The following ADGRV1 variants were observed in gnomAD, a reference collection of about 807,000 sequenced individuals.
ADGRV1 encodes G-protein coupled receptor 98.
Under a neutral mutation model 596.2 loss-of-function variants are expected in ADGRV1, and 359 were observed. The observed-to-expected ratio is 0.60, with a 90% CI of 0.55 to 0.66. The LOEUF (loss-of-function observed/expected upper bound fraction) is 0.66, where lower values mean the gene tolerates loss of function less well. ADGRV1 is among the 30% of genes least tolerant of loss of function. The pLI is 0.00. For synonymous variants in ADGRV1, 2,681 were observed against 2,679.2 expected (o/e 1.00, Z -0.02); for missense variants, 7,274 against 7,575.6 (o/e 0.96, Z 1.48).
intron 1 of ADGRV1, among the ~76,000 whole-genome samples, chr5:90,597,574 C>A (rs1561356371): frequency 6.6e-6 from 1 of 152,102 alleles, no homozygotes; most frequent in Non-Finnish European, 1.5e-5. Flanking sequence ...CCAGGCAAAG[C>A]TGAGATTGCT....
chr5:90,636,875 G>A (rs1766281328), intron 10 of ADGRV1, among the ~76,000 whole-genome samples: 2 of 151,850 alleles, frequency 1.3e-5, no homozygotes, highest in South Asian at 2.1e-4. Flanking sequence ...AAAAAGAATA[G>A]TGTAATCTAG....
intron 34 of ADGRV1, among the ~76,000 whole-genome samples, chr5:90,700,063 A>G (rs1747706821): frequency 6.6e-6 from 1 of 151,928 alleles, no homozygotes; most frequent in Admixed American, 6.6e-5. Flanking sequence ...ATTATAAATT[A>G]TTTTTTTCAA....
chr5:90,657,895 C>CT lies in ADGRV1; in HGVS notation c.4379-9dup. 1 of 1,592,814 alleles carries CT rather than the reference C, an allele frequency of 6.3e-7. No homozygotes were observed. Among genetic ancestry groups the CT allele is most frequent in the Non-Finnish European group, 8.6e-7 (1 of 1,167,056 alleles). ...GGTATTGTAGCATTTAAACTTGTCTCTAATTTCAGGTCCTGGGATACTGAG... is the reference window on the plus strand; with the variant it reads ...GGTATTGTAGCATTTAAACTTGTCTCTTAATTTCAGGTCCTGGGATACTGAG... On this transcript the variant is annotated splice_polypyrimidine_tract_variant and intron_variant, in intron 20 of 89. Coordinates refer to ENST00000405460, the MANE Select transcript of ADGRV1 (RefSeq NM_032119.4).
chr5:91,064,331 T>C (rs1392565953), intron 85 of ADGRV1, among the ~76,000 whole-genome samples: 3 of 152,190 alleles, frequency 2.0e-5, no homozygotes, highest in South Asian at 2.1e-4. Context: ...AGTGAGCCTG[T>C]TTATAGTCCT....
At chr5:90,914,993 A>G (rs1346705827) in intron 83 of ADGRV1, among the ~76,000 whole-genome samples, 1 of 152,200 alleles carries the variant, frequency 6.6e-6, no homozygotes, top group Admixed American at 6.5e-5. Flanking sequence ...TTCTTCTAAG[A>G]AATTTAACAG....
intron 82 of ADGRV1, among the ~76,000 whole-genome samples, chr5:90,858,347 T>C (rs1406174148): frequency 2.6e-5 from 4 of 152,202 alleles, no homozygotes; most frequent in Admixed American, 2.0e-4. Flanking sequence ...CATTGCTATT[T>C]TGAGGATGTC....
chr5:90,817,513 C>T (rs1763019976), intron 75 of ADGRV1, among the ~76,000 whole-genome samples: 1 of 151,468 alleles, frequency 6.6e-6, no homozygotes, highest in Non-Finnish European at 1.5e-5. Flanking sequence ...AATGGTAATG[C>T]CTAGGTTTTC....
At chr5:90,861,047 G>C (rs1029001201) in intron 82 of ADGRV1, among the ~76,000 whole-genome samples, 9 of 151,970 alleles carry the variant, frequency 5.9e-5, no homozygotes, top group African/African-American at 2.2e-4. Context: ...TGTAGAGATA[G>C]ATAAGAGAAT....
chr5:90,928,502 C>T (rs199516650), intron 83 of ADGRV1, among the ~76,000 whole-genome samples: 104,651 of 146,562 alleles, frequency 0.71, 38,052 homozygotes, highest in East Asian at 1. Context: ...TAAGCAGTTC[C>T]CTGTATTGCT....
At chr5:91,009,333 T>C (rs986309253) in intron 85 of ADGRV1, among the ~76,000 whole-genome samples, 2 of 152,150 alleles carry the variant, frequency 1.3e-5, no homozygotes, top group African/African-American at 4.8e-5. Context: ...TCTTATAGAC[T>C]CATTATTGCA....
Position 90,729,797 on chromosome 5 carries a change from A to G in ADGRV1, c.10549+33A>G, listed in dbSNP as rs201897312. On this transcript the variant is annotated intron_variant, in intron 50 of 89. Coordinates refer to ENST00000405460, the MANE Select transcript of ADGRV1 (RefSeq NM_032119.4). ...CTTTTCAACTGCTCACCAATTCTAA[A>G]GGTAGTATGGAAAGCCAGAATGATT... is the stretch of plus-strand genomic sequence containing the variant. The G allele has an allele frequency of 4.4e-6, 7 of 1,603,988 alleles. No individual in the cohort carries two copies. The Admixed American group carries it at 1.0e-4, about 23-fold the overall frequency.
chr5:90,839,519 C>G (rs1024632428), intron 77 of ADGRV1, among the ~76,000 whole-genome samples: 3 of 152,042 alleles, frequency 2.0e-5, no homozygotes, highest in African/African-American at 7.2e-5. Context: ...CAGCCTCCAC[C>G]TCTCTTACAG....
chr5:90,778,816 T>G (rs781008408), intron 63 of ADGRV1, 49 bp from the exon 64 acceptor site: 1 of 1,457,322 alleles, frequency 6.9e-7, no homozygotes, highest in Non-Finnish European at 9.5e-7. Flanking sequence ...GACAGTATTG[T>G]CTGGTAGATT....
chr5:90,608,151 A>G (rs997005037), intron 1 of ADGRV1, among the ~76,000 whole-genome samples: 6 of 152,248 alleles, frequency 3.9e-5, no homozygotes, highest in Admixed American at 3.9e-4. Flanking sequence ...ATTAAGATAT[A>G]AGGAATAAGA....
At chr5:90,591,367 G>A (rs1759484563) in intron 1 of ADGRV1, among the ~76,000 whole-genome samples, 1 of 152,004 alleles carries the variant, frequency 6.6e-6, no homozygotes, top group Non-Finnish European at 1.5e-5. Context: ...CTGCACTCCA[G>A]CCTGGGCAAC....
intron 52 of ADGRV1, among the ~76,000 whole-genome samples, chr5:90,747,515 T>C (rs1272144537): frequency 1.3e-5 from 2 of 152,056 alleles, no homozygotes; most frequent in Non-Finnish European, 2.9e-5. Flanking sequence ...GCTTCTAAGA[T>C]TCCCCCTCCC....
At chr5:90,964,585 C>G (rs1778292243) in intron 83 of ADGRV1, among the ~76,000 whole-genome samples, 1 of 152,174 alleles carries the variant, frequency 6.6e-6, no homozygotes, top group Non-Finnish European at 1.5e-5. Flanking sequence ...TTTCACTTCA[C>G]TTGCTCATTA....
In ADGRV1 at chr5:90,961,518, C is replaced by G. The variant is rs1282905518; in HGVS notation, c.17857-3897C>G. On this transcript the variant is annotated intron_variant, in intron 83 of 89. Transcript: ENST00000405460. ...AAAAAAAAAAAAAAAGGGGGGGTGG[C>G]GGTCATTTCAAGAATAATTTTATAG... 4.9e-3 allele frequency among the ~76,000 whole-genome samples: 392 copies of G among 80,156 alleles called. 1 individual carries two copies. Among genetic ancestry groups the G allele is most frequent in the African/African-American group, 6.2e-3 (123 of 19,686 alleles). 52.6% of individuals were successfully genotyped at this position (80,156 alleles called of 152,430 possible).
At position 91,055,797 on chromosome 5, in the gene ADGRV1, T is replaced by G. The variant is rs556707299; in HGVS notation, c.18153-16650T>G. On this transcript the variant is annotated intron_variant, in intron 85 of 89. Transcript: ENST00000405460. ...ATGTGACAACAGGCAACAGAATCTT[T>G]AAGCAAGTCTTTAATTTAGAGGTTG... Among the ~76,000 whole-genome samples the G allele has an allele frequency of 5.3e-5, 8 of 152,366 alleles. No homozygotes were observed. The South Asian group carries it at 1.7e-3, about 32-fold the overall frequency.
Sources: allele counts gnomAD v4.1 joint callset (sites outside exome capture counted in the v4.1 genomes callset), GRCh38; gene constraint gnomAD v4.1.1; transcripts MANE v1.5; gene names NCBI Gene and HGNC (gene_info 2026-07-23, HGNC 2026-07-21).